The following SPTBN4 variants were observed in gnomAD, a reference collection of about 807,000 sequenced individuals.
SPTBN4 encodes spectrin beta, non-erythrocytic 4, also known as spectrin beta chain, non-erythrocytic 4.
A neutral mutation model predicts 277.8 loss-of-function variants in SPTBN4; 96 were observed. The observed-to-expected ratio is 0.35, with a 90% CI of 0.29 to 0.41. The LOEUF is 0.41. SPTBN4 is among the 10% of genes least tolerant of loss of function. The pLI is 1.00. For missense variants in SPTBN4, 3,006 were observed against 3,595.7 expected, an observed-to-expected ratio of 0.84 and a Z score of 4.19; for synonymous variants, 1,481 against 1,580.3, an observed-to-expected ratio of 0.94 and a Z score of 1.49.
rs2081194423 is a variant in SPTBN4, at chr19:40,575,584, G to A, written c.*15G>A. On this transcript the variant is annotated 3_prime_UTR_variant, in exon 36 of 36. Coordinates refer to ENST00000598249, the MANE Select transcript of SPTBN4 (RefSeq NM_020971.3). ...GCAGGAAGTGACTTCCCACCCCCAG[G>A]ACCTGACACATCTCGTCTCCCCTCT... is the stretch of plus-strand genomic sequence containing the variant. 6.2e-7 allele frequency: 1 copy of A among 1,602,338 alleles called. No individual in the cohort carries two copies. The highest frequency in any genetic ancestry group is 2.2e-5 in the East Asian group (1 of 44,720).
chr19:40,555,999 T>C (rs2080973897), intron 24 of SPTBN4, 85 bp from the exon 25 acceptor site: 1 of 1,206,540 alleles, frequency 8.3e-7, no homozygotes, highest in African/African-American at 1.5e-5. Flanking sequence ...AACACAGCCC[T>C]GTCCTGGGGA....
At chr19:40,480,669 C>T (rs573483948) in intron 2 of SPTBN4, among the ~76,000 whole-genome samples, 1 of 152,250 alleles carries the variant, frequency 6.6e-6, no homozygotes, top group African/African-American at 2.4e-5. Flanking sequence ...GGTCCTTCTC[C>T]TTGCTGTATA....
chr19:40,538,865 C>T (rs540407003), intron 20 of SPTBN4, among the ~76,000 whole-genome samples: 1 of 152,310 alleles, frequency 6.6e-6, no homozygotes, highest in South Asian at 2.1e-4. Flanking sequence ...GCTGGGATTA[C>T]AGGGGTGAAG....
intron 2 of SPTBN4, among the ~76,000 whole-genome samples, chr19:40,476,732 C>T (rs1470787926): frequency 2.6e-5 from 4 of 152,046 alleles, no homozygotes; most frequent in East Asian, 1.9e-4. Context: ...GGACTACAGG[C>T]GCCTGCCACC....
Position 40,512,706 on chromosome 19 carries a change from G to A in SPTBN4, c.1917G>A (p.Glu639=), listed in dbSNP as rs756056282. The A allele has an allele frequency of 1.3e-4, 202 of 1,525,884 alleles. No individual in the cohort carries two copies. Among genetic ancestry groups the A allele is most frequent in the Admixed American group, 3.0e-4 (15 of 50,512 alleles). 94.5% of individuals were successfully genotyped at this position (1,525,884 alleles called of 1,614,324 possible). A position where few individuals can be genotyped will look rare whatever the true frequency, so the allele number is the denominator to read the frequency against. The change falls in exon 14 of 36, where the codon GAG becomes GAA. Residue 639 remains glutamate (E), a synonymous_variant. Coordinates refer to ENST00000598249, the MANE Select transcript of SPTBN4 (RefSeq NM_020971.3). ...LQEQAARRRA[E]LEASRSLWAL... ...AGCAGGCAGCGCGGCGACGCGCGGA[G>A]CTGGAGGCTTCGCGGAGCCTGTGGG...
Position 40,532,664 on chromosome 19 carries a change from G to T in SPTBN4, c.3988G>T (p.Asp1330Tyr), listed in dbSNP as rs2080690310. ...CCATGAGAAGATGCTGATGGCGCGG[G>T]ATGGCACGCGGGAGGACAACCACAA... Reference protein sequence around the residue: ...WIHEKMLMARDGTREDNHKLH... With the variant: ...WIHEKMLMARYGTREDNHKLH... Residue 1330 changes from aspartate to tyrosine, a missense_variant, in exon 19 of 36, where the codon GAT (aspartate) becomes TAT (tyrosine). Physicochemically the swap from Asp to Tyr is radical, Grantham distance 160 (BLOSUM62 -3). Transcript: ENST00000598249. 1 of 1,613,622 alleles carries T rather than the reference G, an allele frequency of 6.2e-7. No homozygotes were observed. The highest frequency in any genetic ancestry group is 8.5e-7 in the Non-Finnish European group (1 of 1,179,728).
Position 40,467,147 on chromosome 19 carries a change from CGCGGCGGCGCAT to C in SPTBN4, c.-169_-158del, listed in dbSNP as rs1163075370. 2.0e-5 allele frequency: 3 copies of C among 148,788 alleles called. No individual in the cohort carries two copies. The highest frequency in any genetic ancestry group is 3.4e-3 in the Middle Eastern group (1 of 292). 9.2% of individuals were successfully genotyped at this position (148,788 alleles called of 1,614,324 possible). ...GCGGCGGCGGCGCGAGAGAGGGAGG[CGCGGCGGCGCAT>C]GCGGATCTGGCTGAGCCGCGGGCCG... On this transcript the variant is annotated 5_prime_UTR_variant, in exon 1 of 36. An upstream start codon of the reference 5' UTR is lost. Coordinates refer to ENST00000598249, the MANE Select transcript of SPTBN4 (RefSeq NM_020971.3).
intron 31 of SPTBN4, 89 bp downstream of exon 31, chr19:40,568,371 G>A: frequency 6.9e-7 from 1 of 1,439,154 alleles, no homozygotes; most frequent in Non-Finnish European, 9.2e-7. Context: ...AGGGCTTCAG[G>A]GCTCAGAACT....
At chr19:40,494,273 C>A (rs1184700126) in intron 5 of SPTBN4, among the ~76,000 whole-genome samples, 1 of 151,966 alleles carries the variant, frequency 6.6e-6, no homozygotes, top group African/African-American at 2.4e-5. Flanking sequence ...TCTATATCTG[C>A]TTTTCCTTGT....
rs1270135129 is a variant in SPTBN4 at position 40,560,222 on chromosome 19, G to A, written c.5734G>A (p.Ala1912Thr). 6.2e-7 allele frequency: 1 copy of A among 1,609,616 alleles called. No homozygotes were observed. Among genetic ancestry groups the A allele is most frequent in the Non-Finnish European group, 8.5e-7 (1 of 1,179,930 alleles). The change falls in exon 27 of 36, where the codon GCC becomes ACC. Residue 1912 changes from alanine to threonine, a missense_variant. Physicochemically the swap from Ala to Thr is moderately conservative, Grantham distance 58. Coordinates refer to ENST00000598249, the MANE Select transcript of SPTBN4 (RefSeq NM_020971.3). This position sits in a 1 kb window ranked among gnomAD's most constrained non-coding sequence, Gnocchi z 5.2. ...RTVYAGEHAE[A>T]IASREQEVLQ... ...GGTGTATGCGGGTGAACATGCCGAG[G>A]CCATCGCTAGCCGGGAGCAGGAGGT...
chr19:40,567,310 TA>T (rs1328571296), intron 30 of SPTBN4: 1 of 148,162 alleles, frequency 6.7e-6, no homozygotes, highest in African/African-American at 2.6e-5. Flanking sequence ...AATAAATAAA[TA>T]AATAAATAAA....
rs1158752330 is a variant in SPTBN4, at chr19:40,553,549, CA to C, written c.4675-593del. On this transcript the variant is annotated intron_variant, in intron 22 of 35. Coordinates refer to ENST00000598249, the MANE Select transcript of SPTBN4 (RefSeq NM_020971.3). ...AAAAGTTAAATAACGTTAAGGCACA[CA>C]AAAAGTTAAAAAAGACTCACAAAAA... is the stretch of plus-strand genomic sequence containing the variant. Among the ~76,000 whole-genome samples, 19 of 151,982 alleles carry C rather than the reference CA, an allele frequency of 1.3e-4. 1 individual carries two copies. Among genetic ancestry groups the C allele is most frequent in the Non-Finnish European group, 2.2e-4 (15 of 68,010 alleles).
chr19:40,495,556 G>A (rs1190394962), intron 6 of SPTBN4, among the ~76,000 whole-genome samples: 2 of 152,136 alleles, frequency 1.3e-5, no homozygotes, highest in Non-Finnish European at 2.9e-5. Flanking sequence ...GCTGAGGCAG[G>A]AGAATCGCTT....
Position 40,575,653 on chromosome 19 carries a change from C to A in SPTBN4, c.*84C>A. The stretch of plus-strand genomic sequence containing the variant: ...AAAGACACTTTTTCTTCCGCAGGGG[C>A]GGGAGCCCCTAGTTCCAACACTGAG... On this transcript the variant is annotated 3_prime_UTR_variant, in exon 36 of 36. Coordinates refer to ENST00000598249, the MANE Select transcript of SPTBN4 (RefSeq NM_020971.3). The A allele has an allele frequency of 6.8e-7, 1 of 1,465,654 alleles. No individual in the cohort carries two copies. The highest frequency in any genetic ancestry group is 9.1e-7 in the Non-Finnish European group (1 of 1,104,652). The allele number at this position is 1,465,654 out of a possible 1,614,324, so 90.8% of individuals were successfully genotyped here. A position where few individuals can be genotyped will look rare whatever the true frequency, so the allele number is the denominator to read the frequency against.
In SPTBN4 at chr19:40,560,232, G is replaced by A; in HGVS notation, c.5744G>A (p.Ser1915Asn). ...YAGEHAEAIA[S>N]REQEVLQGWK... Reference sequence around the variant, plus strand: ...GGTGAACATGCCGAGGCCATCGCTAGCCGGGAGCAGGAGGTGCTGCAGGGT... The same window carrying A: ...GGTGAACATGCCGAGGCCATCGCTAACCGGGAGCAGGAGGTGCTGCAGGGT... Residue 1915 changes from serine (S) to asparagine (N), a missense_variant, in exon 27 of 36, where the codon AGC becomes AAC. Physicochemically the swap from Ser to Asn is conservative, Grantham distance 46 (BLOSUM62 1). Around this residue, in one of 5 missense-constraint regions of SPTBN4, gnomAD observed 425 missense variants for 594.7 expected, o/e 0.71. Transcript: ENST00000598249. The surrounding 1 kb of genome is among the most constrained non-coding windows in gnomAD (Gnocchi z 5.2). 1 of 1,611,504 alleles carries A rather than the reference G, an allele frequency of 6.2e-7. No homozygotes were observed. Among genetic ancestry groups the A allele is most frequent in the Non-Finnish European group, 8.5e-7 (1 of 1,179,950 alleles).
intron 22 of SPTBN4, among the ~76,000 whole-genome samples, chr19:40,553,518 C>G (rs757806687): frequency 9.9e-5 from 15 of 152,032 alleles, no homozygotes; most frequent in Non-Finnish European, 1.2e-4. Flanking sequence ...TCAGTTGAGT[C>G]ACACAAAAAG....
intron 33 of SPTBN4, 25 bp from the exon 34 acceptor site, chr19:40,571,994 C>T: frequency 3.9e-6 from 6 of 1,525,968 alleles, no homozygotes; most frequent in Non-Finnish European, 5.3e-6. Flanking sequence ...GCGGCTCTGC[C>T]TTGAGCCCCA....
intron 20 of SPTBN4, among the ~76,000 whole-genome samples, chr19:40,538,956 A>G (rs540742764): frequency 1.2e-4 from 18 of 152,128 alleles, no homozygotes; most frequent in Non-Finnish European, 2.1e-4. Flanking sequence ...AGTATAAGCC[A>G]TGTTTGAGGC....
chr19:40,487,915 C>G, intron 3 of SPTBN4, 67 bp downstream of exon 3: 1 of 1,484,498 alleles, frequency 6.7e-7, no homozygotes. Flanking sequence ...TTGGGCTTCT[C>G]TGGAAGGGCT....
Sources: gnomAD v4.1 joint callset for allele counts (sites outside exome capture counted in the v4.1 genomes callset) on GRCh38, gnomAD v4.1.1 for gene constraint, gnomAD v4.1.1 regional missense constraint, Gnocchi (gnomAD v3.1) non-coding constraint, MANE v1.5 for transcripts, NCBI Gene and HGNC (gene_info 2026-07-23, HGNC 2026-07-21) for gene names.